Variants in FGF12 observed in about 807,000 individuals in gnomAD.
FGF12 encodes the protein fibroblast growth factor 12, also known as fibroblast growth factor 12B.
FGF12 carries 14 observed loss-of-function variants against 23.6 expected under a neutral mutation model. The ratio of observed to expected loss-of-function variants is 0.59; its 90% CI spans 0.39 to 0.93. The LOEUF (loss-of-function observed/expected upper bound fraction) is 0.93. Ranked by LOEUF, FGF12 falls within the 40% of genes least tolerant of loss-of-function variation. The probability of loss-of-function intolerance (pLI) is 0.00; values close to 1 mark genes in which losing one functional copy is unlikely to be tolerated. For synonymous variants in FGF12, 62 were observed against 77.3 expected (o/e 0.80, Z 1.04); for missense variants, 175 against 217.8 (o/e 0.80, Z 1.24).
At chr3:192,300,526 G>A (rs1715282062) in intron 4 of FGF12, among the ~76,000 whole-genome samples, 1 of 152,040 alleles carries the variant, frequency 6.6e-6, no homozygotes, top group South Asian at 2.1e-4. Flanking sequence ...GCCAATTTTG[G>A]TCAAGTCAGG....
chr3:192,507,362 CACACACACACACACACACAT>C (rs1296241976), intron 2 of FGF12, among the ~76,000 whole-genome samples: 1 of 151,240 alleles, frequency 6.6e-6, no homozygotes, highest in Non-Finnish European at 1.5e-5. Flanking sequence ...CACACACACA[CACACACACACACACACACAT>C]ACAAGCACAC....
chr3:192,694,580 C>A lies in FGF12; in HGVS notation c.13+32601G>T, dbSNP rs560505573. On this transcript the variant is annotated intron_variant, in intron 2 of 5. Transcript: ENST00000445105. Reference sequence around the variant, plus strand: ...ACATATATACACATACATATATATACATATACGTACATATATACATATATA... The same window carrying A: ...ACATATATACACATACATATATATAAATATACGTACATATATACATATATA... 3.2e-3 allele frequency among the ~76,000 whole-genome samples: 483 copies of A among 151,614 alleles called. 5 individuals carry two copies. The highest frequency in any genetic ancestry group is 0.017 in the Middle Eastern group (5 of 292).
In FGF12 at chr3:192,514,821, G is replaced by A. The variant is rs979595873; in HGVS notation, c.14-154283C>T. 2 of 985,384 alleles carry A rather than the reference G, an allele frequency of 2.0e-6. No homozygotes were observed. The highest frequency in any genetic ancestry group is 2.4e-6 in the Non-Finnish European group (2 of 829,916). 61.0% of individuals were successfully genotyped at this position (985,384 alleles called of 1,614,324 possible). A position where few individuals can be genotyped will look rare whatever the true frequency, so the allele number is the denominator to read the frequency against. ...ACCTGCGCTAGTAGTCCAACCAACA[G>A]GCGGCCTGTCTTCGGAAGCCGGGTC... On this transcript the variant is annotated intron_variant, in intron 2 of 5. Transcript: ENST00000445105. The surrounding 1 kb of genome is among the most constrained non-coding windows in gnomAD (Gnocchi z 4.9).
At chr3:192,361,084 C>T (rs546656183) in intron 2 of FGF12, among the ~76,000 whole-genome samples, 1 of 125,866 alleles carries the variant, frequency 7.9e-6, no homozygotes, top group African/African-American at 3.0e-5. Context: ...ATGTCACTGG[C>T]AAATATGTGG....
At chr3:192,351,278 G>T (rs1014868020) in intron 3 of FGF12, among the ~76,000 whole-genome samples, 1 of 152,090 alleles carries the variant, frequency 6.6e-6, no homozygotes, top group African/African-American at 2.4e-5. Flanking sequence ...ATTCCTCAGA[G>T]GAGAAATGAG....
At position 192,378,077 on chromosome 3, in the gene FGF12, TCTTTCTTTCTTTCTTTCTTC is replaced by T. The variant is rs1719634504; in HGVS notation, c.14-17559_14-17540del. On this transcript the variant is annotated intron_variant, in intron 2 of 5. Transcript: ENST00000445105. ...TTCTTTCTTTCTTTCTTTCTTTCTTTCTTTCTTTCTTTCTTTCTTCTTTCTTTCCTTCTTTCTCTCTTTGT... is the reference window on the plus strand; with the variant it reads ...TTCTTTCTTTCTTTCTTTCTTTCTTTTTTCTTTCCTTCTTTCTCTCTTTGT... 1.6e-5 allele frequency among the ~76,000 whole-genome samples: 2 copies of T among 126,208 alleles called. 1 individual carries two copies. Among genetic ancestry groups the T allele is most frequent in the Non-Finnish European group, 3.2e-5 (2 of 62,420 alleles). The allele number at this position is 126,208 out of a possible 152,430, so 82.8% of individuals were successfully genotyped here.
intron 2 of FGF12, chr3:192,533,909 T>C (rs1353321430): frequency 6.6e-6 from 1 of 152,072 alleles, no homozygotes; most frequent in Non-Finnish European, 1.5e-5. Context: ...CTTGAAAACA[T>C]AAATGTCGAC....
intron 2 of FGF12, among the ~76,000 whole-genome samples, chr3:192,366,962 A>G (rs942507109): frequency 1.1e-4 from 17 of 152,232 alleles, no homozygotes; most frequent in African/African-American, 3.9e-4. Context: ...GTATTCAAAG[A>G]CAGAACAGGT....
chr3:192,200,998 GC>G (rs1424607771), intron 4 of FGF12, among the ~76,000 whole-genome samples: 3 of 152,040 alleles, frequency 2.0e-5, no homozygotes, highest in Non-Finnish European at 2.9e-5. Flanking sequence ...GCTAATAAAA[GC>G]ACAGAAAGTT....
At position 192,417,909 on chromosome 3, in the gene FGF12, G is replaced by A. The variant is rs183158608; in HGVS notation, c.14-57371C>T. On this transcript the variant is annotated intron_variant, in intron 2 of 5. Transcript: ENST00000445105. Reference sequence around the variant, plus strand: ...AAGGTGCATTTAAACTCAAAAAAGAGGATGTGCCTTGTTCTTTTGTGCCTG... The same window carrying A: ...AAGGTGCATTTAAACTCAAAAAAGAAGATGTGCCTTGTTCTTTTGTGCCTG... 9.2e-5 allele frequency among the ~76,000 whole-genome samples: 14 copies of A among 152,150 alleles called. No individual in the cohort carries two copies. The East Asian group carries it at 2.5e-3, about 27-fold the overall frequency.
intron 2 of FGF12, among the ~76,000 whole-genome samples, chr3:192,699,101 A>C (rs1718217041): frequency 6.6e-6 from 1 of 152,214 alleles, no homozygotes; most frequent in South Asian, 2.1e-4. Context: ...AATCCTTATA[A>C]CCCATTTGCA....
chr3:192,411,031 T>G (rs1721183165), intron 2 of FGF12, among the ~76,000 whole-genome samples: 1 of 152,152 alleles, frequency 6.6e-6, no homozygotes, highest in Admixed American at 6.5e-5. Flanking sequence ...AAGGATTAAA[T>G]GTATGATTTC....
chr3:192,169,425 T>C (rs1304406661), intron 5 of FGF12, among the ~76,000 whole-genome samples: 1 of 152,078 alleles, frequency 6.6e-6, no homozygotes, highest in Non-Finnish European at 1.5e-5. Flanking sequence ...GTGAAGAGGG[T>C]CCTGAGAGGG....
Position 192,170,660 on chromosome 3 carries a change from T to C in FGF12, c.229-4A>G, listed in dbSNP as rs756363633. The stretch of plus-strand genomic sequence containing the variant: ...TGCATTCTGGAGTGAAAACATCCTG[T>C]AGGAAAAAAAAAAAAAGACACAAAA... On this transcript the variant is annotated splice_region_variant and splice_polypyrimidine_tract_variant and intron_variant, in intron 4 of 5. Transcript: ENST00000445105. 5 of 1,528,840 alleles carry C rather than the reference T, an allele frequency of 3.3e-6. No individual in the cohort carries two copies. Among genetic ancestry groups the C allele is most frequent in the Non-Finnish European group, 4.3e-6 (5 of 1,154,758 alleles). 94.7% of individuals were successfully genotyped at this position (1,528,840 alleles called of 1,614,324 possible). A position where few individuals can be genotyped will look rare whatever the true frequency, so the allele number is the denominator to read the frequency against.
chr3:192,146,543 A>G (rs1713732899), intron 5 of FGF12, among the ~76,000 whole-genome samples: 1 of 152,324 alleles, frequency 6.6e-6, no homozygotes, highest in Non-Finnish European at 1.5e-5. Flanking sequence ...TGCTGGGATT[A>G]CAGGCATGAG....
intron 2 of FGF12, among the ~76,000 whole-genome samples, chr3:192,431,965 T>C (rs1469140079): frequency 2.0e-5 from 3 of 152,170 alleles, no homozygotes; most frequent in African/African-American, 7.2e-5. Context: ...TTCCACAATG[T>C]CTCTTTGTTG....
chr3:192,229,117 G>C (rs943664532), intron 4 of FGF12, among the ~76,000 whole-genome samples: 2 of 151,352 alleles, frequency 1.3e-5, no homozygotes, highest in African/African-American at 4.9e-5. Flanking sequence ...CTAACTTCTG[G>C]GACATGGCTG....
At chr3:192,405,108 A>G (rs1403725578) in intron 2 of FGF12, among the ~76,000 whole-genome samples, 2 of 151,048 alleles carry the variant, frequency 1.3e-5, no homozygotes, top group Non-Finnish European at 2.9e-5. Context: ...CAAACTTGCA[A>G]TGGCTCCAGG....
At chr3:192,338,967 T>C (rs180715452) in intron 3 of FGF12, among the ~76,000 whole-genome samples, 106 of 152,218 alleles carry the variant, frequency 7.0e-4, no homozygotes, top group African/African-American at 2.3e-3. Context: ...TAGCTGACCA[T>C]AGAAGGAAAA....
Sources: gnomAD v4.1 joint callset for allele counts (sites outside exome capture counted in the v4.1 genomes callset) on GRCh38, gnomAD v4.1.1 for gene constraint, Gnocchi (gnomAD v3.1) non-coding constraint, MANE v1.5 for transcripts, NCBI Gene and HGNC (gene_info 2026-07-23, HGNC 2026-07-21) for gene names.